The following TSPAN9 variants were observed in gnomAD, a reference collection of about 807,000 sequenced individuals.
TSPAN9 encodes the protein tetraspanin-9.
Under a neutral mutation model 31.0 loss-of-function variants are expected in TSPAN9, and 16 were observed. That is an observed-to-expected ratio of 0.52 (90% confidence interval 0.35 to 0.78). The LOEUF is 0.78. Among genes scored for constraint, TSPAN9 ranks in the 30% least tolerant of loss-of-function variants. The pLI is 0.01. For synonymous variants in TSPAN9, 145 were observed against 121.6 expected, an observed-to-expected ratio of 1.19 and a Z score of -1.27; for missense variants, 272 against 312.5, an observed-to-expected ratio of 0.87 and a Z score of 0.98.
At chr12:3,277,715 GT>G (rs1862814771) in intron 3 of TSPAN9, among the ~76,000 whole-genome samples, 1 of 152,168 alleles carries the variant, frequency 6.6e-6, no homozygotes, top group African/African-American at 2.4e-5. Flanking sequence ...AGCCCCAGGG[GT>G]GCTGTTGGGG....
chr12:3,219,971 G>A (rs1050243148), intron 3 of TSPAN9, among the ~76,000 whole-genome samples: 14 of 151,716 alleles, frequency 9.2e-5, no homozygotes, highest in East Asian at 1.9e-4. Context: ...CCTGGCCAAC[G>A]TGGTGAAACC....
chr12:3,131,264 G>A (rs1205598038), intron 2 of TSPAN9, among the ~76,000 whole-genome samples: 5 of 148,258 alleles, frequency 3.4e-5, no homozygotes, highest in African/African-American at 4.9e-5. Context: ...CAGGCACCGC[G>A]TGGTTGAGTA....
At chr12:3,089,728 T>C (rs1360273079) in intron 2 of TSPAN9, among the ~76,000 whole-genome samples, 3 of 151,302 alleles carry the variant, frequency 2.0e-5, no homozygotes, top group Non-Finnish European at 2.9e-5. Flanking sequence ...CTGGGCAACA[T>C]AGCAAGATCC....
intron 2 of TSPAN9, among the ~76,000 whole-genome samples, chr12:3,165,818 A>C (rs948417664): frequency 6.6e-6 from 1 of 152,206 alleles, no homozygotes; most frequent in African/African-American, 2.4e-5. Flanking sequence ...AATCTGCTGC[A>C]TCATTGGAGT....
intron 2 of TSPAN9, among the ~76,000 whole-genome samples, chr12:3,098,732 T>C (rs1258251252): frequency 2.0e-5 from 3 of 152,048 alleles, no homozygotes; most frequent in Middle Eastern, 3.4e-3. Flanking sequence ...GGATATGGCA[T>C]TGTTTTTTTT....
intron 3 of TSPAN9, chr12:3,206,397 A>G: frequency 2.2e-6 from 1 of 455,814 alleles, no homozygotes; most frequent in South Asian, 1.5e-5. Context: ...GAGCATTTGA[A>G]CACAGGGCTG....
At chr12:3,119,911 G>T (rs969235942) in intron 2 of TSPAN9, among the ~76,000 whole-genome samples, 2 of 152,110 alleles carry the variant, frequency 1.3e-5, no homozygotes, top group East Asian at 1.9e-4. Flanking sequence ...GCGCCCCGGA[G>T]TCTGGTGTTG....
At chr12:3,212,611 C>T (rs1355343952) in intron 3 of TSPAN9, among the ~76,000 whole-genome samples, 1 of 152,152 alleles carries the variant, frequency 6.6e-6, no homozygotes, top group African/African-American at 2.4e-5. Context: ...CACCCTCCCC[C>T]AGGGTTCAGC....
intron 2 of TSPAN9, among the ~76,000 whole-genome samples, chr12:3,086,549 C>G (rs997844128): frequency 6.6e-6 from 1 of 152,150 alleles, no homozygotes; most frequent in African/African-American, 2.4e-5. Context: ...AGGAAAAGAT[C>G]TGGTAGAGAG....
chr12:3,280,496 C>A lies in TSPAN9; in HGVS notation c.432+13C>A. On this transcript the variant is annotated intron_variant, in intron 6 of 8. Transcript: ENST00000011898. The surrounding 1 kb of genome is among the most constrained non-coding windows in gnomAD (Gnocchi z 4.5). ...CATCCAGGCTGAGGTGCGGGCTGGGCCGCCCTGGTGGGGCCAGGCAGGGAG... is the reference window on the plus strand; with the variant it reads ...CATCCAGGCTGAGGTGCGGGCTGGGACGCCCTGGTGGGGCCAGGCAGGGAG... 1 of 1,608,424 alleles carries A rather than the reference C, an allele frequency of 6.2e-7. No homozygotes were observed. The highest frequency in any genetic ancestry group is 8.5e-7 in the Non-Finnish European group (1 of 1,178,854).
chr12:3,138,494 C>T (rs574944419), intron 2 of TSPAN9, among the ~76,000 whole-genome samples: 5 of 151,550 alleles, frequency 3.3e-5, no homozygotes, highest in African/African-American at 9.7e-5. Flanking sequence ...GACAGGGCCT[C>T]GTGCTGTCAC....
intron 8 of TSPAN9, 80 bp downstream of exon 8, chr12:3,281,897 C>A: frequency 1.3e-6 from 2 of 1,485,602 alleles, no homozygotes; most frequent in Non-Finnish European, 1.9e-6. Context: ...GAAGTGAAAG[C>A]AGTGTTGGTA....
rs1344136668 is a variant in TSPAN9, at chr12:3,107,507, A to G, written c.-18+23788A>G. Among the ~76,000 whole-genome samples the G allele has an allele frequency of 6.6e-6, 1 of 152,110 alleles. No individual in the cohort carries two copies. Among genetic ancestry groups the G allele is most frequent in the East Asian group, 1.9e-4 (1 of 5,186 alleles). ...AGGCTGGGGTGAGGAGAGAGGGACC[A>G]AGGACAGCAGACCCCCAGTCCAGCC... On this transcript the variant is annotated intron_variant, in intron 2 of 8. Transcript: ENST00000011898. This position sits in a 1 kb window ranked among gnomAD's most constrained non-coding sequence, Gnocchi z 4.1.
At chr12:3,162,382 A>C (rs562752349) in intron 2 of TSPAN9, among the ~76,000 whole-genome samples, 1 of 152,328 alleles carries the variant, frequency 6.6e-6, no homozygotes, top group Admixed American at 6.5e-5. Context: ...TGCATGCTAA[A>C]TAATTGATTC....
At chr12:3,219,226 C>G (rs2098382996) in intron 3 of TSPAN9, among the ~76,000 whole-genome samples, 1 of 152,218 alleles carries the variant, frequency 6.6e-6, no homozygotes. Flanking sequence ...TGTTCGACCT[C>G]TCTAGACTCA....
At chr12:3,240,158 C>T (rs538718228) in intron 3 of TSPAN9, among the ~76,000 whole-genome samples, 4 of 152,262 alleles carry the variant, frequency 2.6e-5, no homozygotes, top group African/African-American at 9.6e-5. Context: ...CCTCTACTTT[C>T]ACCCCCTGTT....
At chr12:3,226,250 AC>A in intron 3 of TSPAN9, among the ~76,000 whole-genome samples, 1 of 150,890 alleles carries the variant, frequency 6.6e-6, no homozygotes, top group African/African-American at 2.4e-5. Context: ...AGCGGGAGAA[AC>A]TCCTTTAAAG....
chr12:3,268,758 G>A (rs1335978131), intron 3 of TSPAN9, among the ~76,000 whole-genome samples: 2 of 91,152 alleles, frequency 2.2e-5, no homozygotes, highest in Non-Finnish European at 2.3e-5. Context: ...CCCTCCGTGC[G>A]TTTCTGCAGC....
chr12:3,093,076 C>A (rs1282995591), intron 2 of TSPAN9, among the ~76,000 whole-genome samples: 3 of 152,206 alleles, frequency 2.0e-5, no homozygotes, highest in Non-Finnish European at 4.4e-5. Flanking sequence ...TGTCCTGAAT[C>A]ATACACATTG....
Sources: gnomAD v4.1 joint callset for allele counts (sites outside exome capture counted in the v4.1 genomes callset) on GRCh38, gnomAD v4.1.1 for gene constraint, Gnocchi (gnomAD v3.1) non-coding constraint, MANE v1.5 for transcripts, NCBI Gene and HGNC (gene_info 2026-07-23, HGNC 2026-07-21) for gene names.